CNTN4: variants seen among roughly 807,000 people sequenced by gnomAD.
The protein encoded by CNTN4 is contactin 4, also known as contactin-4.
CNTN4 carries 77 observed loss-of-function variants against 122.5 expected under a neutral mutation model. The ratio of observed to expected loss-of-function variants is 0.63; its 90% confidence interval spans 0.52 to 0.76. CNTN4 has a LOEUF of 0.76. Among genes scored for constraint, CNTN4 ranks in the 30% least tolerant of loss-of-function variants. CNTN4 has a pLI of 0.00. For synonymous variants in CNTN4, 512 were observed against 447.0 expected (o/e 1.15, Z -1.83); for missense variants, 1,256 against 1,259.1 (o/e 1.00, Z 0.04).
chr3:2,855,445 T>C (rs1244042784), intron 7 of CNTN4, among the ~76,000 whole-genome samples: 2 of 152,228 alleles, frequency 1.3e-5, no homozygotes, highest in Non-Finnish European at 2.9e-5. Flanking sequence ...CTAAAAATTG[T>C]CAGAGGCACC....
chr3:2,820,957 C>CTTTTTTT (rs1435679583), intron 7 of CNTN4, among the ~76,000 whole-genome samples: 1 of 70,624 alleles, frequency 1.4e-5, no homozygotes, highest in African/African-American at 5.6e-5. Context: ...AACATTTTCT[C>CTTTTTTT]TTTCTTTTTT....
At chr3:2,596,846 A>G (rs1178537589) in intron 4 of CNTN4, among the ~76,000 whole-genome samples, 1 of 152,202 alleles carries the variant, frequency 6.6e-6, no homozygotes, top group African/African-American at 2.4e-5. Flanking sequence ...GTGTTTTTTA[A>G]AGATTAAAAT....
intron 2 of CNTN4, among the ~76,000 whole-genome samples, chr3:2,246,365 C>A (rs991283609): frequency 6.6e-6 from 1 of 151,898 alleles, no homozygotes; most frequent in African/African-American, 2.4e-5. Flanking sequence ...ATTTTTAATA[C>A]CCCTTATCCT....
At chr3:2,225,013 G>GTA in intron 2 of CNTN4, among the ~76,000 whole-genome samples, 1 of 151,614 alleles carries the variant, frequency 6.6e-6, no homozygotes, top group Non-Finnish European at 1.5e-5. Flanking sequence ...AGCCGGTTGC[G>GTA]GTGGCGGGCG....
At chr3:2,766,387 T>C (rs1235979666) in intron 6 of CNTN4, among the ~76,000 whole-genome samples, 1 of 152,210 alleles carries the variant, frequency 6.6e-6, no homozygotes, top group Non-Finnish European at 1.5e-5. Context: ...GTGGTATACA[T>C]ATATATGATG....
In CNTN4 at chr3:2,484,195, A is replaced by G. The variant is rs77476363; in HGVS notation, c.-88-87221A>G. Among the ~76,000 whole-genome samples the G allele has an allele frequency of 1.5e-3, 230 of 152,352 alleles. 1 individual carries two copies. Among genetic ancestry groups the G allele is most frequent in the Non-Finnish European group, 2.4e-3 (166 of 68,030 alleles). ...AAATACACAGACAGCAAATAATTAT[A>G]TGAAAAGATGCTACACACCATATGT... On this transcript the variant is annotated intron_variant, in intron 3 of 24. Transcript: ENST00000418658.
chr3:2,683,991 C>G (rs75794683), intron 4 of CNTN4, among the ~76,000 whole-genome samples: 128 of 152,234 alleles, frequency 8.4e-4, no homozygotes, highest in African/African-American at 2.8e-3. Context: ...AGGTGTTTAC[C>G]TATCGTTTAA....
chr3:2,536,783 T>C (rs1356726991), intron 3 of CNTN4, among the ~76,000 whole-genome samples: 2 of 152,114 alleles, frequency 1.3e-5, no homozygotes, highest in African/African-American at 4.8e-5. Flanking sequence ...TCAGCAAATA[T>C]AGTCTCTTCT....
At chr3:2,319,667 A>G (rs925205802) in intron 2 of CNTN4, among the ~76,000 whole-genome samples, 3 of 152,350 alleles carry the variant, frequency 2.0e-5, no homozygotes, top group African/African-American at 7.2e-5. Flanking sequence ...AGAATAATGC[A>G]TATAAGATAC....
chr3:2,681,345 C>T (rs995615309), intron 4 of CNTN4, among the ~76,000 whole-genome samples: 1 of 152,170 alleles, frequency 6.6e-6, no homozygotes, highest in Non-Finnish European at 1.5e-5. Context: ...TTTTTGTCAT[C>T]TCCCTGCCAC....
At chr3:2,498,287 G>A (rs994003366) in intron 3 of CNTN4, among the ~76,000 whole-genome samples, 2 of 152,056 alleles carry the variant, frequency 1.3e-5, no homozygotes, top group African/African-American at 4.8e-5. Context: ...CCTAACATGA[G>A]CACTGCTGCT....
intron 2 of CNTN4, among the ~76,000 whole-genome samples, chr3:2,124,240 G>C (rs1434085052): frequency 6.6e-6 from 1 of 152,126 alleles, no homozygotes; most frequent in South Asian, 2.1e-4. Context: ...AGGCAGTAGT[G>C]AGGAATAAGA....
chr3:2,153,520 C>G (rs779124903), intron 2 of CNTN4, among the ~76,000 whole-genome samples: 6 of 152,054 alleles, frequency 3.9e-5, no homozygotes, highest in African/African-American at 9.7e-5. Flanking sequence ...ATTTTAAACA[C>G]GAATATAGGC....
intron 3 of CNTN4, among the ~76,000 whole-genome samples, chr3:2,486,288 T>C (rs923986237): frequency 6.6e-6 from 1 of 152,052 alleles, no homozygotes; most frequent in Non-Finnish European, 1.5e-5. Flanking sequence ...ACTGTAACAC[T>C]CACCCACCGT....
chr3:2,551,635 A>T (rs1044264778), intron 3 of CNTN4, among the ~76,000 whole-genome samples: 5 of 152,206 alleles, frequency 3.3e-5, no homozygotes, highest in African/African-American at 4.8e-5. Context: ...AGGGAATCCC[A>T]TGCAAAATCA....
intron 3 of CNTN4, among the ~76,000 whole-genome samples, chr3:2,446,937 TA>T (rs2048646523): frequency 6.6e-6 from 1 of 152,158 alleles, no homozygotes; most frequent in Non-Finnish European, 1.5e-5. Flanking sequence ...CATATACTAG[TA>T]AACTGGGGTA....
intron 2 of CNTN4, among the ~76,000 whole-genome samples, chr3:2,193,230 T>C (rs1474022469): frequency 2.0e-5 from 3 of 152,058 alleles, no homozygotes; most frequent in Non-Finnish European, 4.4e-5. Flanking sequence ...TTTGGAAAAT[T>C]CCCTCCACAT....
At chr3:2,766,952 T>C (rs1261010886) in intron 6 of CNTN4, among the ~76,000 whole-genome samples, 1 of 152,104 alleles carries the variant, frequency 6.6e-6, no homozygotes, top group South Asian at 2.1e-4. Context: ...TTAAATACTA[T>C]AGGGCATGGA....
intron 2 of CNTN4, among the ~76,000 whole-genome samples, chr3:2,236,735 A>G (rs2039694962): frequency 6.6e-6 from 1 of 152,126 alleles, no homozygotes. Context: ...ACTCACTAAT[A>G]CCTATTGGAT....
Sources: allele counts gnomAD v4.1 joint callset (sites outside exome capture counted in the v4.1 genomes callset), GRCh38; gene constraint gnomAD v4.1.1; transcripts MANE v1.5; gene names NCBI Gene and HGNC (gene_info 2026-07-23, HGNC 2026-07-21).